DPP10: variants seen among roughly 807,000 people sequenced by gnomAD.
The protein encoded by DPP10 is dipeptidyl peptidase like 10.
In DPP10, 33 loss-of-function variants were observed where a neutral mutation model predicts 120.9. That is an observed-to-expected ratio of 0.27 (90% CI 0.21 to 0.37). The LOEUF is 0.37. DPP10 is among the 10% of genes least tolerant of loss of function. The pLI, the probability that DPP10 is intolerant of heterozygous loss-of-function variation, is 1.00. For synonymous variants in DPP10, 337 were observed against 326.1 expected, an observed-to-expected ratio of 1.03 and a Z score of -0.36; for missense variants, 816 against 942.8, an observed-to-expected ratio of 0.87 and a Z score of 1.76.
At chr2:115,313,800 A>G (rs1335816850) in intron 2 of DPP10, among the ~76,000 whole-genome samples, 1 of 152,190 alleles carries the variant, frequency 6.6e-6, no homozygotes, top group African/African-American at 2.4e-5. Flanking sequence ...ATTTCATTTT[A>G]TAAGTATTTC....
At position 115,633,318 on chromosome 2, in the gene DPP10, A is replaced by G. The variant is rs527342937; in HGVS notation, c.442-56369A>G. 3.9e-5 allele frequency among the ~76,000 whole-genome samples: 6 copies of G among 152,300 alleles called. No individual in the cohort carries two copies. In the South Asian group the frequency reaches 1.2e-3, roughly 32 times the overall value. On this transcript the variant is annotated intron_variant, in intron 5 of 25. Transcript: ENST00000410059. ...AAGCTGGAAACCATCATTCTCAGCA[A>G]ACTATCGCAAGGACAGAAAACCAAA...
chr2:115,326,901 AT>A (rs1241897193), intron 2 of DPP10, among the ~76,000 whole-genome samples: 6 of 151,908 alleles, frequency 3.9e-5, no homozygotes, highest in Middle Eastern at 3.2e-3. Context: ...AAGAAAGAAA[AT>A]TTTTTAATGC....
At chr2:114,696,701 G>A (rs528223341) in intron 1 of DPP10, among the ~76,000 whole-genome samples, 1 of 151,694 alleles carries the variant, frequency 6.6e-6, no homozygotes, top group Non-Finnish European at 1.5e-5. Flanking sequence ...AAGAAATAAT[G>A]GTGAGCTAAC....
intron 1 of DPP10, among the ~76,000 whole-genome samples, chr2:114,923,490 T>C (rs1695362163): frequency 7.6e-6 from 1 of 132,080 alleles, no homozygotes; most frequent in South Asian, 2.6e-4. Context: ...TTTTTTTTTT[T>C]TTTTTTTTGA....
intron 5 of DPP10, among the ~76,000 whole-genome samples, chr2:115,543,109 A>T (rs939746253): frequency 1.4e-4 from 21 of 152,132 alleles, no homozygotes; most frequent in African/African-American, 5.1e-4. Context: ...TGCAAAAGGA[A>T]TAGAATTTAC....
chr2:115,289,506 G>GAAGAAAAGAAAAGAAAAGAAAAGAA (rs57788865), intron 1 of DPP10, among the ~76,000 whole-genome samples: 1 of 114,398 alleles, frequency 8.7e-6, no homozygotes, highest in Admixed American at 9.0e-5. Flanking sequence ...AAAAAAAAAG[G>GAAGAAAAGAAAAGAAAAGAAAAGAA]AAGAAAAGAA....
intron 1 of DPP10, among the ~76,000 whole-genome samples, chr2:115,188,574 A>C: frequency 6.6e-6 from 1 of 152,232 alleles, no homozygotes; most frequent in East Asian, 1.9e-4. Flanking sequence ...AATGTTTTCT[A>C]ACCACACATA....
At chr2:115,833,706 A>G (rs900403930) in intron 21 of DPP10, among the ~76,000 whole-genome samples, 1 of 152,282 alleles carries the variant, frequency 6.6e-6, no homozygotes, top group East Asian at 1.9e-4. Context: ...ATTCTATACA[A>G]TTACTGTCAG....
chr2:114,711,764 A>G (rs1004702654), intron 1 of DPP10, among the ~76,000 whole-genome samples: 3 of 152,064 alleles, frequency 2.0e-5, no homozygotes, highest in Admixed American at 6.6e-5. Context: ...GTTCTTTTTT[A>G]TATTTTAAAT....
At chr2:115,078,326 A>G (rs768774159) in intron 1 of DPP10, among the ~76,000 whole-genome samples, 2 of 152,254 alleles carry the variant, frequency 1.3e-5, no homozygotes, top group Non-Finnish European at 2.9e-5. Context: ...TAAGCAGCAA[A>G]AGAAAATTAT....
At chr2:114,686,853 C>A (rs1223677794) in intron 1 of DPP10, among the ~76,000 whole-genome samples, 1 of 151,922 alleles carries the variant, frequency 6.6e-6, no homozygotes, top group Non-Finnish European at 1.5e-5. Context: ...ATCACACATG[C>A]ATTCATCCTC....
chr2:114,679,741 T>C (rs1436726381), intron 1 of DPP10, among the ~76,000 whole-genome samples: 1 of 152,004 alleles, frequency 6.6e-6, no homozygotes, highest in Non-Finnish European at 1.5e-5. Context: ...TGAGAAGGAT[T>C]TATTAAATGT....
intron 1 of DPP10, among the ~76,000 whole-genome samples, chr2:114,649,111 A>T (rs573052668): frequency 3.3e-5 from 5 of 152,352 alleles, no homozygotes; most frequent in African/African-American, 1.2e-4. Flanking sequence ...AGTACCAGGA[A>T]AATCTGTAAG....
intron 1 of DPP10, among the ~76,000 whole-genome samples, chr2:115,271,778 A>T (rs2059710335): frequency 6.6e-6 from 1 of 152,212 alleles, no homozygotes; most frequent in African/African-American, 2.4e-5. Context: ...AGAATAATTC[A>T]TAGTGTAGGT....
chr2:114,900,685 A>G (rs996591058), intron 1 of DPP10, among the ~76,000 whole-genome samples: 2 of 152,206 alleles, frequency 1.3e-5, no homozygotes, highest in African/African-American at 4.8e-5. Flanking sequence ...TTTGACAAAC[A>G]GAAGTCCCTA....
rs1191766968 is a variant in DPP10 at position 114,841,946 on chromosome 2, G to A, written c.60+399108G>A. Among the ~76,000 whole-genome samples the A allele has an allele frequency of 2.6e-5, 4 of 152,084 alleles. No homozygotes were observed. In the South Asian group the frequency reaches 6.2e-4, roughly 24 times the overall value. On this transcript the variant is annotated intron_variant, in intron 1 of 25. Coordinates refer to ENST00000410059, the MANE Select transcript of DPP10 (RefSeq NM_020868.6). ...CTGACTCAATGGTAAAGAAACAGTT[G>A]TACCACTTCCTTAGTCAGGCTTTGC...
At chr2:115,740,407 T>A (rs1308877645) in intron 9 of DPP10, among the ~76,000 whole-genome samples, 2 of 152,078 alleles carry the variant, frequency 1.3e-5, no homozygotes, top group Non-Finnish European at 2.9e-5. Context: ...CAGTCTGAAA[T>A]AGATTAAGCA....
intron 1 of DPP10, among the ~76,000 whole-genome samples, chr2:114,674,127 A>G (rs932819977): frequency 6.6e-6 from 1 of 152,084 alleles, no homozygotes; most frequent in Non-Finnish European, 1.5e-5. Flanking sequence ...TAAATGGAAG[A>G]AAAAAGACTT....
chr2:115,330,198 G>A (rs1299472308), intron 2 of DPP10, among the ~76,000 whole-genome samples: 1 of 151,978 alleles, frequency 6.6e-6, no homozygotes, highest in African/African-American at 2.4e-5. Context: ...GTGATGATGA[G>A]CATTTTTTCA....
Sources: gnomAD v4.1 joint callset for allele counts (sites outside exome capture counted in the v4.1 genomes callset) on GRCh38, gnomAD v4.1.1 for gene constraint, MANE v1.5 for transcripts, NCBI Gene and HGNC (gene_info 2026-07-23, HGNC 2026-07-21) for gene names.